Variants in ZNF536 observed in about 807,000 individuals in gnomAD.
ZNF536 encodes zinc finger protein 536.
A neutral mutation model predicts 84.5 loss-of-function variants in ZNF536; 13 were observed. That is an observed-to-expected ratio of 0.15 (90% CI 0.10 to 0.24). The LOEUF is 0.24. Among genes scored for constraint, ZNF536 ranks in the 10% least tolerant of loss-of-function variants. The pLI is 1.00. For synonymous variants in ZNF536, 811 were observed against 742.5 expected (o/e 1.09, Z -1.50); for missense variants, 1,536 against 1,747.5 (o/e 0.88, Z 2.16).
At chr19:30,407,166 C>A (rs909988973) in intron 1 of ZNF536, among the ~76,000 whole-genome samples, 11 of 152,200 alleles carry the variant, frequency 7.2e-5, no homozygotes, top group Non-Finnish European at 1.5e-4. Context: ...CCTACCCTGT[C>A]CTGTGTGGCC....
intron 1 of ZNF536, among the ~76,000 whole-genome samples, chr19:30,626,757 G>A (rs1054551537): frequency 6.6e-6 from 1 of 152,218 alleles, no homozygotes; most frequent in Non-Finnish European, 1.5e-5. Flanking sequence ...CGTGCAGAAG[G>A]GAAGGGGATG....
At chr19:30,404,901 G>C (rs1345477576) in intron 1 of ZNF536, among the ~76,000 whole-genome samples, 1 of 152,310 alleles carries the variant, frequency 6.6e-6, no homozygotes, top group African/African-American at 2.4e-5. Flanking sequence ...TGACCAACAG[G>C]CTTCACGTTG....
chr19:30,556,934 T>TTAG (rs2045986507), intron 4 of ZNF536: 1 of 526,944 alleles, frequency 1.9e-6, no homozygotes, highest in Non-Finnish European at 3.4e-6. Flanking sequence ...CTCCTATTAC[T>TTAG]TAGTGCTGAT....
chr19:30,593,386 G>A (rs1289975445), intron 1 of ZNF536, among the ~76,000 whole-genome samples: 2 of 152,174 alleles, frequency 1.3e-5, no homozygotes, highest in African/African-American at 4.8e-5. Context: ...CGATTTTTCA[G>A]AGAGGAAGAG....
chr19:30,541,707 A>C (rs1481364936), intron 3 of ZNF536, among the ~76,000 whole-genome samples: 2 of 152,352 alleles, frequency 1.3e-5, no homozygotes, highest in East Asian at 3.9e-4. Flanking sequence ...TGCTGTATAC[A>C]GTAGGGCATG....
chr19:30,281,132 T>C (rs2145632790), intron 1 of ZNF536, among the ~76,000 whole-genome samples: 1 of 152,150 alleles, frequency 6.6e-6, no homozygotes, highest in African/African-American at 2.4e-5. Flanking sequence ...CCCTTTGAAG[T>C]CCCTCTCTCA....
chr19:30,405,163 A>G (rs2050213583), intron 1 of ZNF536, among the ~76,000 whole-genome samples: 1 of 152,184 alleles, frequency 6.6e-6, no homozygotes, highest in Middle Eastern at 3.2e-3. Context: ...GGGAAGCTTC[A>G]TGATGTCATA....
Position 30,228,711 on chromosome 19 carries a change from G to A in ZNF536, c.-190+38G>A, listed in dbSNP as rs1251010576. On this transcript the variant is annotated intron_variant, in intron 1 of 5. Coordinates refer to the ZNF536 transcript ENST00000585628. The surrounding 1 kb of genome is among the most constrained non-coding windows in gnomAD (Gnocchi z 4.5). Reference sequence around the variant, plus strand: ...CGGTGGCCTCGGCGCGCCCCGGGGTGAGCGCGCAAAGCCGGGAGCGAGGTG... The same window carrying A: ...CGGTGGCCTCGGCGCGCCCCGGGGTAAGCGCGCAAAGCCGGGAGCGAGGTG... The A allele has an allele frequency of 6.6e-6, 1 of 151,272 alleles. No homozygotes were observed. Among genetic ancestry groups the A allele is most frequent in the Non-Finnish European group, 1.5e-5 (1 of 67,824 alleles). The allele number at this position is 151,272 out of a possible 1,614,324, so 9.4% of individuals were successfully genotyped here. A position where few individuals can be genotyped will look rare whatever the true frequency, so the allele number is the denominator to read the frequency against.
intron 2 of ZNF536, among the ~76,000 whole-genome samples, chr19:30,474,750 GTCA>G (rs1362576965): frequency 6.6e-6 from 1 of 152,154 alleles, no homozygotes; most frequent in Non-Finnish European, 1.5e-5. Flanking sequence ...TTCATCATCA[GTCA>G]TCATTATCAA....
At chr19:30,278,481 C>T (rs1043844133) in intron 1 of ZNF536, among the ~76,000 whole-genome samples, 1 of 152,078 alleles carries the variant, frequency 6.6e-6, no homozygotes, top group East Asian at 1.9e-4. Context: ...AAGGAGCTCC[C>T]GGGGAGTCAT....
intron 1 of ZNF536, among the ~76,000 whole-genome samples, chr19:30,611,783 C>T (rs773696321): frequency 1.3e-5 from 2 of 152,158 alleles, no homozygotes; most frequent in Non-Finnish European, 2.9e-5. Context: ...AAAGTAATTG[C>T]CCTTCTGTTT....
In ZNF536 at chr19:30,548,225, A is replaced by G. The variant is rs764339490; in HGVS notation, c.2606A>G (p.His869Arg). ...WTSGVLSSGDHSGQATGMSSE... is the reference protein window; with the variant it reads ...WTSGVLSSGDRSGQATGMSSE... The stretch of plus-strand genomic sequence containing the variant: ...TCAGGGGTTCTCTCCTCTGGAGATC[A>G]CTCGGGGCAGGCCACGGGCATGTCT... Residue 869 changes from histidine to arginine, a missense_variant, in exon 4 of 5, where the codon CAC (histidine) becomes CGC (arginine). Physicochemically the swap from His to Arg is conservative, Grantham distance 29 (BLOSUM62 0). Transcript: ENST00000355537. The G allele has an allele frequency of 9.7e-5, 157 of 1,613,992 alleles. No individual in the cohort carries two copies. Among genetic ancestry groups the G allele is most frequent in the Non-Finnish European group, 1.3e-4 (150 of 1,180,026 alleles).
intron 1 of ZNF536, among the ~76,000 whole-genome samples, chr19:30,235,929 C>T (rs749358047): frequency 9.9e-5 from 15 of 152,228 alleles, no homozygotes; most frequent in Non-Finnish European, 1.3e-4. Context: ...GAGCGTCTCA[C>T]GGATAGAACA....
chr19:30,664,407 T>C (rs1318855109), intron 1 of ZNF536, among the ~76,000 whole-genome samples: 2 of 152,092 alleles, frequency 1.3e-5, no homozygotes, highest in African/African-American at 2.4e-5. Context: ...GTCCTGGCAT[T>C]TGAATCAGGC....
chr19:30,472,601 G>A (rs1243332185), intron 2 of ZNF536, among the ~76,000 whole-genome samples: 2 of 152,178 alleles, frequency 1.3e-5, no homozygotes, highest in Admixed American at 6.5e-5. Flanking sequence ...AACGCACTTC[G>A]AGGCACAGGT....
intron 2 of ZNF536, among the ~76,000 whole-genome samples, chr19:30,495,330 T>C (rs536375065): frequency 2.6e-5 from 4 of 152,238 alleles, no homozygotes; most frequent in Non-Finnish European, 5.9e-5. Flanking sequence ...AAGTCTTGTG[T>C]GCTTGTGGTG....
At chr19:30,272,053 T>G (rs1413632812) in intron 1 of ZNF536, among the ~76,000 whole-genome samples, 4 of 152,186 alleles carry the variant, frequency 2.6e-5, no homozygotes, top group Non-Finnish European at 5.9e-5. Flanking sequence ...ATCGGAGAAG[T>G]GGCGGCCAGA....
chr19:30,609,989 C>G (rs370775655), intron 1 of ZNF536, among the ~76,000 whole-genome samples: 1 of 151,428 alleles, frequency 6.6e-6, no homozygotes, highest in African/African-American at 2.4e-5. Flanking sequence ...CAACCATCCA[C>G]CCACCCATCT....
chr19:30,250,626 C>T (rs1002824945), intron 1 of ZNF536, among the ~76,000 whole-genome samples: 14 of 152,212 alleles, frequency 9.2e-5, no homozygotes, highest in African/African-American at 3.4e-4. Context: ...GAGTCTTCTA[C>T]TTAGAGAAGT....
Sources: allele counts gnomAD v4.1 joint callset (sites outside exome capture counted in the v4.1 genomes callset), GRCh38; gene constraint gnomAD v4.1.1; non-coding constraint Gnocchi (gnomAD v3.1); transcripts MANE v1.5; gene names NCBI Gene and HGNC (gene_info 2026-07-23, HGNC 2026-07-21).